CKAP5: variants seen among roughly 807,000 people sequenced by gnomAD.
CKAP5 encodes cytoskeleton associated protein 5, also known as cytoskeleton-associated protein 5.
CKAP5 carries 27 observed loss-of-function variants against 232.8 expected under a neutral mutation model. The ratio of observed to expected loss-of-function variants is 0.12; its 90% CI spans 0.09 to 0.16. The LOEUF is 0.16. Ranked by LOEUF, CKAP5 falls within the 10% of genes least tolerant of loss-of-function variation. The pLI, the probability that CKAP5 is intolerant of heterozygous loss-of-function variation, is 1.00. For synonymous variants in CKAP5, 785 were observed against 841.1 expected, an observed-to-expected ratio of 0.93 and a Z score of 1.16; for missense variants, 1,838 against 2,424.7, an observed-to-expected ratio of 0.76 and a Z score of 5.08.
At chr11:46,786,456 T>A (rs2065394398) in intron 16 of CKAP5, among the ~76,000 whole-genome samples, 1 of 152,230 alleles carries the variant, frequency 6.6e-6, no homozygotes, top group Admixed American at 6.5e-5. Context: ...GAAAGTCCTG[T>A]TATTTGACTG....
chr11:46,814,345 G>T, intron 4 of CKAP5, among the ~76,000 whole-genome samples: 1 of 151,998 alleles, frequency 6.6e-6, no homozygotes, highest in East Asian at 1.9e-4. Flanking sequence ...CTTCATTCAC[G>T]TAAGAATCTA....
intron 34 of CKAP5, 33 bp from the exon 35 acceptor site, chr11:46,759,076 T>G (rs1378540820): frequency 1.2e-6 from 2 of 1,609,206 alleles, no homozygotes; most frequent in African/African-American, 2.7e-5. Flanking sequence ...AACTTCAACC[T>G]CTATTACAAG....
intron 20 of CKAP5, 36 bp from the exon 21 acceptor site, chr11:46,778,635 T>C (rs779463462): frequency 1.3e-6 from 2 of 1,586,770 alleles, no homozygotes; most frequent in South Asian, 2.2e-5. Context: ...TAATGAAATT[T>C]ATATAGGATA....
At chr11:46,795,526 A>AG in intron 13 of CKAP5, 68 bp downstream of exon 13, 1 of 1,299,676 alleles carries the variant, frequency 7.7e-7, no homozygotes, top group Non-Finnish European at 1.1e-6. Context: ...ATAATTTTAG[A>AG]GGAACAACCA....
chr11:46,757,247 C>T lies in CKAP5; in HGVS notation c.4689+1676G>A, dbSNP rs1027305364. 6.6e-5 allele frequency among the ~76,000 whole-genome samples: 10 copies of T among 151,452 alleles called. No homozygotes were observed. In the South Asian group the frequency reaches 1.9e-3, roughly 29 times the overall value. Reference sequence around the variant, plus strand: ...GTGGCTCACGCCTGTAATCCCAGCACTTTGGGAGGCCGAGGCAGGTGGATC... The same window carrying T: ...GTGGCTCACGCCTGTAATCCCAGCATTTTGGGAGGCCGAGGCAGGTGGATC... On this transcript the variant is annotated intron_variant, in intron 35 of 43. Coordinates refer to ENST00000529230, the MANE Select transcript of CKAP5 (RefSeq NM_001008938.4).
chr11:46,792,143 C>T (rs1211954097), intron 13 of CKAP5, among the ~76,000 whole-genome samples: 1 of 152,160 alleles, frequency 6.6e-6, no homozygotes, highest in Admixed American at 6.5e-5. Flanking sequence ...AACTAGGATA[C>T]CTCTTCTGGA....
At chr11:46,780,753 T>C (rs1016336332) in intron 18 of CKAP5, among the ~76,000 whole-genome samples, 5 of 152,212 alleles carry the variant, frequency 3.3e-5, no homozygotes, top group African/African-American at 1.2e-4. Context: ...TAGCTGAGAT[T>C]ACAGGTGTGT....
chr11:46,754,084 C>T (rs1016858051), intron 36 of CKAP5, among the ~76,000 whole-genome samples: 11 of 151,796 alleles, frequency 7.2e-5, no homozygotes, highest in African/African-American at 2.2e-4. Context: ...CTGAAAGCTC[C>T]GCCTCCTGGG....
chr11:46,767,886 G>A (rs1214044716), intron 26 of CKAP5, among the ~76,000 whole-genome samples: 1 of 151,740 alleles, frequency 6.6e-6, no homozygotes, highest in Non-Finnish European at 1.5e-5. Context: ...CTGACCTCCT[G>A]GGCTCAATGA....
At chr11:46,756,936 TG>T (rs1418084940) in intron 35 of CKAP5, among the ~76,000 whole-genome samples, 15 of 150,672 alleles carry the variant, frequency 1.0e-4, no homozygotes, top group African/African-American at 3.7e-4. Context: ...TTTTTTTTTT[TG>T]TATTTTTAAT....
At chr11:46,787,875 C>G (rs2065409519) in intron 16 of CKAP5, among the ~76,000 whole-genome samples, 1 of 152,154 alleles carries the variant, frequency 6.6e-6, no homozygotes, top group African/African-American at 2.4e-5. Flanking sequence ...TCTGCCACTC[C>G]TGAAACAGCA....
At chr11:46,769,889 G>C (rs937554180) in intron 26 of CKAP5, 74 bp downstream of exon 26, 5 of 1,512,046 alleles carry the variant, frequency 3.3e-6, no homozygotes, top group Admixed American at 1.7e-5. Flanking sequence ...ATTTAAAAAA[G>C]ACAAGGCTGA....
In CKAP5 at chr11:46,788,705, A is replaced by G; in HGVS notation, c.1944T>C (p.Pro648=). Residue 648 remains proline, a synonymous_variant, in exon 16 of 44, where the codon CCT becomes CCC. Transcript: ENST00000529230. ...CCTGAAAATTAGTTTCTTTCCATCC[A>G]GGTTTCTTGGCTAGCATCCTCACTA... The part of the protein sequence containing the change: ...QALVRMLAKK[P]GWKETNFQVM... The G allele has an allele frequency of 6.2e-7, 1 of 1,607,484 alleles. No individual in the cohort carries two copies. Among genetic ancestry groups the G allele is most frequent in the Non-Finnish European group, 8.5e-7 (1 of 1,176,256 alleles).
chr11:46,845,651 G>A lies in CKAP5; in HGVS notation c.-38+569C>T, dbSNP rs547090380. 2.0e-5 allele frequency among the ~76,000 whole-genome samples: 3 copies of A among 152,276 alleles called. 1 individual carries two copies. The East Asian group carries it at 5.8e-4, about 29-fold the overall frequency. On this transcript the variant is annotated intron_variant, in intron 1 of 43. Transcript: ENST00000529230. ...GCTGGAAGGACACCAGAACGCTCCC[G>A]ACACGTTGAGAGAGAGAAAGCCAGT...
rs182394372 is a variant in CKAP5, at chr11:46,829,539, C to T, written c.-37-8271G>A. ...GATGGAGCGAGAAAAAATATTTTTCCTCCTTCTGATTTTCTTAACATTTTC... is the reference window on the plus strand; with the variant it reads ...GATGGAGCGAGAAAAAATATTTTTCTTCCTTCTGATTTTCTTAACATTTTC... On this transcript the variant is annotated intron_variant, in intron 1 of 43. Coordinates refer to ENST00000529230, the MANE Select transcript of CKAP5 (RefSeq NM_001008938.4). Among the ~76,000 whole-genome samples, 6 of 152,238 alleles carry T rather than the reference C, an allele frequency of 3.9e-5. No individual in the cohort carries two copies. In the East Asian group the frequency reaches 1.2e-3, roughly 29 times the overall value.
chr11:46,807,882 C>T (rs573461917), intron 8 of CKAP5, 149 bp downstream of exon 8: 6 of 532,594 alleles, frequency 1.1e-5, no homozygotes, highest in African/African-American at 9.7e-5. Context: ...GAATTTAAAA[C>T]AACCCTTTAA....
At chr11:46,768,176 T>C (rs764411539) in intron 26 of CKAP5, among the ~76,000 whole-genome samples, 6 of 152,164 alleles carry the variant, frequency 3.9e-5, no homozygotes, top group African/African-American at 7.2e-5. Flanking sequence ...CTGTATCTCA[T>C]TTACCAACAT....
chr11:46,793,209 A>ACC lies in CKAP5; in HGVS notation c.1650+2384_1650+2385insGG, dbSNP rs1938783131. Among the ~76,000 whole-genome samples the ACC allele has an allele frequency of 2.6e-5, 4 of 152,360 alleles. 1 individual carries two copies. In the South Asian group the frequency reaches 6.2e-4, roughly 24 times the overall value. ...TTTCATTTTTTGGAAAAACAAGGAT[A>ACC]ATGAATACCTACCTCAAGAGTTGTT... is the stretch of plus-strand genomic sequence containing the variant. On this transcript the variant is annotated intron_variant, in intron 13 of 43. Coordinates refer to ENST00000529230, the MANE Select transcript of CKAP5 (RefSeq NM_001008938.4).
intron 32 of CKAP5, 66 bp from the exon 33 acceptor site, chr11:46,760,850 C>A (rs973371733): frequency 3.1e-5 from 42 of 1,369,294 alleles, no homozygotes; most frequent in Non-Finnish European, 4.2e-5. Context: ...CATATCAAAA[C>A]AAATAGAACC....
Sources: allele counts gnomAD v4.1 joint callset (sites outside exome capture counted in the v4.1 genomes callset), GRCh38; gene constraint gnomAD v4.1.1; transcripts MANE v1.5; gene names NCBI Gene and HGNC (gene_info 2026-07-23, HGNC 2026-07-21).